The following HUNK variants were observed in gnomAD, a reference collection of about 807,000 sequenced individuals.
HUNK encodes hormonally up-regulated Neu-associated kinase, also known as hormonally up-regulated neu tumor-associated kinase.
HUNK carries 21 observed loss-of-function variants against 61.0 expected under a neutral mutation model. The observed-to-expected ratio is 0.34, with a 90% CI of 0.24 to 0.50. HUNK has a LOEUF of 0.50. HUNK is among the 20% of genes least tolerant of loss of function. The pLI, the probability that HUNK is intolerant of heterozygous loss-of-function variation, is 0.98. For missense variants in HUNK, 772 were observed against 945.7 expected (o/e 0.82, Z 2.41); for synonymous variants, 371 against 386.1 (o/e 0.96, Z 0.46).
intron 4 of HUNK, among the ~76,000 whole-genome samples, chr21:31,947,063 A>T (rs1351744300): frequency 6.6e-6 from 1 of 150,744 alleles, no homozygotes; most frequent in Non-Finnish European, 1.5e-5. Flanking sequence ...CCCAGGCTCA[A>T]GCCAGTGGCG....
In HUNK at chr21:31,951,994, C is replaced by T. The variant is rs1321483822; in HGVS notation, c.746+5823C>T. On this transcript the variant is annotated intron_variant, in intron 4 of 10. Coordinates refer to ENST00000270112, the MANE Select transcript of HUNK (RefSeq NM_014586.2). ...CTTTTGAGAGAGAGGTTTCCCTTAGCTTCTGAGATTATTCAGTTATAAAGT... is the reference window on the plus strand; with the variant it reads ...CTTTTGAGAGAGAGGTTTCCCTTAGTTTCTGAGATTATTCAGTTATAAAGT... Among the ~76,000 whole-genome samples, 3 of 150,790 alleles carry T rather than the reference C, an allele frequency of 2.0e-5. No individual in the cohort carries two copies. In the East Asian group the frequency reaches 5.9e-4, roughly 29 times the overall value.
chr21:31,985,075 G>A (rs1416401382), intron 8 of HUNK, among the ~76,000 whole-genome samples: 1 of 152,054 alleles, frequency 6.6e-6, no homozygotes, highest in African/African-American at 2.4e-5. Context: ...GAACAGTATG[G>A]GGGAAACCTC....
intron 1 of HUNK, among the ~76,000 whole-genome samples, chr21:31,919,489 C>T (rs1374609204): frequency 6.6e-6 from 1 of 152,194 alleles, no homozygotes; most frequent in Non-Finnish European, 1.5e-5. Flanking sequence ...GTTAGGATGA[C>T]TGTAATCGTA....
At chr21:31,915,311 A>G (rs903975996) in intron 1 of HUNK, among the ~76,000 whole-genome samples, 1 of 152,202 alleles carries the variant, frequency 6.6e-6, no homozygotes, top group Non-Finnish European at 1.5e-5. Context: ...TGAGTTTAGT[A>G]TACAGTATTC....
At chr21:31,947,326 T>G (rs972301473) in intron 4 of HUNK, among the ~76,000 whole-genome samples, 10 of 144,692 alleles carry the variant, frequency 6.9e-5, no homozygotes, top group Non-Finnish European at 4.5e-5. Context: ...CATCCCGGTC[T>G]CAAGCCAGTG....
At chr21:31,891,333 C>T (rs541649676) in intron 1 of HUNK, among the ~76,000 whole-genome samples, 12 of 152,266 alleles carry the variant, frequency 7.9e-5, no homozygotes, top group South Asian at 2.1e-4. Context: ...GTGGAGATTG[C>T]GCCACTGCAC....
chr21:31,997,866 G>A (rs2053216763), intron 10 of HUNK, among the ~76,000 whole-genome samples: 1 of 152,136 alleles, frequency 6.6e-6, no homozygotes, highest in African/African-American at 2.4e-5. Flanking sequence ...GCTGTTGAGT[G>A]CATGTACCTT....
At chr21:31,919,678 A>T (rs780081883) in intron 1 of HUNK, among the ~76,000 whole-genome samples, 2 of 152,130 alleles carry the variant, frequency 1.3e-5, no homozygotes, top group Non-Finnish European at 2.9e-5. Flanking sequence ...CTGGGAGTGG[A>T]GCCTGAGAGG....
intron 1 of HUNK, among the ~76,000 whole-genome samples, chr21:31,885,030 A>G (rs9979734): frequency 0.25 from 38,451 of 151,972 alleles, 5,260 homozygotes; most frequent in East Asian, 0.37. Flanking sequence ...CACCCGCCTC[A>G]GCCTCCCAAA....
At chr21:31,970,309 A>C (rs1378332919) in intron 6 of HUNK, among the ~76,000 whole-genome samples, 1 of 152,058 alleles carries the variant, frequency 6.6e-6, no homozygotes, top group Non-Finnish European at 1.5e-5. Context: ...ATTTACACTC[A>C]CCGTGCCCAG....
chr21:31,992,149 G>T (rs900080582), intron 9 of HUNK, among the ~76,000 whole-genome samples: 1 of 152,184 alleles, frequency 6.6e-6, no homozygotes, highest in Non-Finnish European at 1.5e-5. Context: ...AAAGAAGGGG[G>T]CGCTATGGGT....
At chr21:31,900,446 A>ACACACACAC (rs2052456766) in intron 1 of HUNK, among the ~76,000 whole-genome samples, 1 of 143,024 alleles carries the variant, frequency 7.0e-6, no homozygotes, top group Non-Finnish European at 1.5e-5. Context: ...TAGTTACTGA[A>ACACACACAC]ACACACACAC....
intron 1 of HUNK, among the ~76,000 whole-genome samples, chr21:31,882,224 G>T (rs79637196): frequency 2.6e-5 from 4 of 152,116 alleles, no homozygotes; most frequent in Non-Finnish European, 4.4e-5. Context: ...GCACTCTTAC[G>T]GTGGCCACTG....
chr21:31,991,083 A>AT (rs1206270419), intron 9 of HUNK, among the ~76,000 whole-genome samples: 1 of 152,206 alleles, frequency 6.6e-6, no homozygotes, highest in African/African-American at 2.4e-5. Flanking sequence ...GGTTCTTGCT[A>AT]TGCGGAATTG....
intron 1 of HUNK, among the ~76,000 whole-genome samples, chr21:31,885,621 T>G (rs1328888862): frequency 2.6e-5 from 4 of 152,236 alleles, no homozygotes; most frequent in African/African-American, 7.2e-5. Flanking sequence ...TTGTGCAGGA[T>G]GGATCTGTTC....
chr21:31,946,196 C>T, intron 4 of HUNK, 25 bp downstream of exon 4: 1 of 1,601,462 alleles, frequency 6.2e-7, no homozygotes, highest in Admixed American at 1.7e-5. Context: ...TTCTGAAAGT[C>T]AGTGTTCCTC....
At chr21:31,917,664 G>C (rs1294328906) in intron 1 of HUNK, among the ~76,000 whole-genome samples, 2 of 143,114 alleles carry the variant, frequency 1.4e-5, no homozygotes, top group African/African-American at 2.6e-5. Context: ...TCCAGGCTTA[G>C]ATACCCTCCT....
intron 1 of HUNK, among the ~76,000 whole-genome samples, chr21:31,914,553 G>A (rs564015123): frequency 6.6e-6 from 1 of 152,208 alleles, no homozygotes. Flanking sequence ...AGCCTGCTCA[G>A]GCTGCCACAA....
chr21:31,990,421 C>CT lies in HUNK; in HGVS notation c.1305+258dup, dbSNP rs747180104. On this transcript the variant is annotated intron_variant, in intron 9 of 10. Coordinates refer to ENST00000270112, the MANE Select transcript of HUNK (RefSeq NM_014586.2). Reference sequence around the variant, plus strand: ...ATTTCTTTTGCCAGAAGACCTCATTCTTTTTTTTTTTTTAAAGCCGTTGAC... The same window carrying CT: ...ATTTCTTTTGCCAGAAGACCTCATTCTTTTTTTTTTTTTTAAAGCCGTTGAC... 2.2e-3 allele frequency among the ~76,000 whole-genome samples: 315 copies of CT among 141,450 alleles called. 1 individual carries two copies. Among genetic ancestry groups the CT allele is most frequent in the Non-Finnish European group, 3.4e-3 (222 of 65,098 alleles). 92.8% of individuals were successfully genotyped at this position (141,450 alleles called of 152,430 possible).
Sources: gnomAD v4.1 joint callset for allele counts (sites outside exome capture counted in the v4.1 genomes callset) on GRCh38, gnomAD v4.1.1 for gene constraint, MANE v1.5 for transcripts, NCBI Gene and HGNC (gene_info 2026-07-23, HGNC 2026-07-21) for gene names.